Variants in DLGAP1 observed in about 807,000 individuals in gnomAD.
The protein encoded by DLGAP1 is disks large-associated protein 1.
Under a neutral mutation model 90.8 loss-of-function variants are expected in DLGAP1, and 11 were observed. That is an observed-to-expected ratio of 0.12 (90% CI 0.08 to 0.20). The LOEUF (loss-of-function observed/expected upper bound fraction) is 0.20, where lower values mean the gene tolerates loss of function less well. Ranked by LOEUF, DLGAP1 falls within the 10% of genes least tolerant of loss-of-function variation. The pLI, the probability that DLGAP1 is intolerant of heterozygous loss-of-function variation, is 1.00. For synonymous variants in DLGAP1, 558 were observed against 540.7 expected (o/e 1.03, Z -0.44); for missense variants, 1,050 against 1,333.8 (o/e 0.79, Z 3.31).
intron 8 of DLGAP1, among the ~76,000 whole-genome samples, 194 bp from the exon 9 acceptor site, chr18:3,567,775 T>G (rs554447871): frequency 9.2e-5 from 14 of 152,190 alleles, no homozygotes; most frequent in Non-Finnish European, 1.9e-4. Flanking sequence ...AAATGCAATT[T>G]TATCCACTCT....
chr18:4,411,902 T>G (rs964373045), intron 1 of DLGAP1, among the ~76,000 whole-genome samples: 3 of 152,140 alleles, frequency 2.0e-5, no homozygotes, highest in Non-Finnish European at 2.9e-5. Flanking sequence ...CCATCACTTC[T>G]GCCACATTTG....
chr18:4,062,274 G>C (rs952722172), intron 2 of DLGAP1, among the ~76,000 whole-genome samples: 4 of 152,102 alleles, frequency 2.6e-5, no homozygotes, highest in African/African-American at 7.2e-5. Flanking sequence ...GGAGAAACTG[G>C]TTATTTTACC....
intron 7 of DLGAP1, among the ~76,000 whole-genome samples, chr18:3,728,299 GTTATATATATATATATA>G: frequency 9.9e-6 from 1 of 101,008 alleles, no homozygotes; most frequent in Non-Finnish European, 1.8e-5. Flanking sequence ...GAACGCAAAT[GTTATATATATATATATA>G]TATATATATA....
chr18:3,854,941 G>A (rs1263649485), intron 4 of DLGAP1, among the ~76,000 whole-genome samples: 2 of 152,134 alleles, frequency 1.3e-5, no homozygotes, highest in Non-Finnish European at 2.9e-5. Flanking sequence ...TGCTTTTCTT[G>A]GGATGAGATA....
At chr18:3,895,536 C>A (rs893453034) in intron 3 of DLGAP1, among the ~76,000 whole-genome samples, 1 of 152,236 alleles carries the variant, frequency 6.6e-6, no homozygotes, top group African/African-American at 2.4e-5. Context: ...CGCATAGATG[C>A]ATTCGATAAA....
At chr18:4,341,198 A>AT (rs1314906345) in intron 1 of DLGAP1, among the ~76,000 whole-genome samples, 3 of 151,894 alleles carry the variant, frequency 2.0e-5, no homozygotes, top group Admixed American at 1.3e-4. Context: ...ATATATATAT[A>AT]AAAAGAAAAA....
chr18:4,032,624 G>T (rs2074814381), intron 2 of DLGAP1, among the ~76,000 whole-genome samples: 1 of 152,114 alleles, frequency 6.6e-6, no homozygotes, highest in Non-Finnish European at 1.5e-5. Flanking sequence ...CTACAGCAGG[G>T]CCGGCTAAAA....
At chr18:3,809,099 C>A (rs184201459) in intron 5 of DLGAP1, among the ~76,000 whole-genome samples, 2 of 152,222 alleles carry the variant, frequency 1.3e-5, no homozygotes, top group Admixed American at 1.3e-4. Flanking sequence ...GTGGGCATCT[C>A]GGATCGATGA....
chr18:3,673,797 C>T (rs560811233), intron 7 of DLGAP1, among the ~76,000 whole-genome samples: 3 of 150,182 alleles, frequency 2.0e-5, no homozygotes, highest in East Asian at 2.0e-4. Context: ...CAGCCTGCCT[C>T]GGCCTCCCAA....
At position 3,498,555 on chromosome 18, in the gene DLGAP1, G is replaced by T. The variant is rs1240410057; in HGVS notation, c.*630C>A. On this transcript the variant is annotated 3_prime_UTR_variant, in exon 13 of 13. Transcript: ENST00000315677. Reference sequence around the variant, plus strand: ...TGTGCAGGTGCCCCCAGCACCTGCAGATTTCGCTTCTCCCATCCTTGCTAC... The same window carrying T: ...TGTGCAGGTGCCCCCAGCACCTGCATATTTCGCTTCTCCCATCCTTGCTAC... The T allele has an allele frequency of 6.6e-6, 1 of 152,218 alleles. No individual in the cohort carries two copies. Among genetic ancestry groups the T allele is most frequent in the Non-Finnish European group, 1.5e-5 (1 of 68,052 alleles). The allele number at this position is 152,218 out of a possible 1,614,324, so 9.4% of individuals were successfully genotyped here. A position where few individuals can be genotyped will look rare whatever the true frequency, so the allele number is the denominator to read the frequency against.
intron 3 of DLGAP1, among the ~76,000 whole-genome samples, chr18:3,904,531 G>A (rs897136554): frequency 6.6e-6 from 1 of 152,232 alleles, no homozygotes; most frequent in African/African-American, 2.4e-5. Flanking sequence ...AGTCTATGGA[G>A]TTGAACTGTA....
In DLGAP1 at chr18:3,980,614, G is replaced by A. The variant is rs370101026; in HGVS notation, c.-73+24502C>T. On this transcript the variant is annotated intron_variant, in intron 3 of 12. Transcript: ENST00000315677. ...CCACATAGCTTTCCTACTCCTTTCC[G>A]GAAAGGAAAAAAACCAAAACGCTCA... Among the ~76,000 whole-genome samples, 212 of 152,150 alleles carry A rather than the reference G, an allele frequency of 1.4e-3. 3 individuals carry two copies. The South Asian group carries it at 0.022, about 16-fold the overall frequency.
At position 3,729,200 on chromosome 18, in the gene DLGAP1, A is replaced by T. The variant is rs2062316543; in HGVS notation, c.1526T>A (p.Val509Glu). 6.2e-7 allele frequency: 1 copy of T among 1,613,730 alleles called. No individual in the cohort carries two copies. The highest frequency in any genetic ancestry group is 1.3e-5 in the African/African-American group (1 of 74,938). Residue 509 changes from valine (V) to glutamate (E), a missense_variant, in exon 7 of 13, where the codon GTG becomes GAG. By Grantham distance (121) the Val-to-Glu change is moderately radical (BLOSUM62 -2). Transcript: ENST00000315677. This position sits in a 1 kb window ranked among gnomAD's most constrained non-coding sequence, Gnocchi z 6.2. ...EKGCSQDDEC[V>E]SLRSSSPPRT... Reference sequence around the variant, plus strand: ...CGGCGGCGAGGACGACCTCAGGGACACGCACTCGTCGTCCTGGGAGCAGCC... The same window carrying T: ...CGGCGGCGAGGACGACCTCAGGGACTCGCACTCGTCGTCCTGGGAGCAGCC...
intron 7 of DLGAP1, among the ~76,000 whole-genome samples, chr18:3,611,010 G>A (rs1234368715): frequency 6.6e-6 from 1 of 151,344 alleles, no homozygotes; most frequent in Non-Finnish European, 1.5e-5. Flanking sequence ...GCATAAGCCT[G>A]TAGTCTCAGT....
chr18:3,812,960 T>C (rs944337405), intron 5 of DLGAP1, among the ~76,000 whole-genome samples: 2 of 152,240 alleles, frequency 1.3e-5, no homozygotes, highest in Admixed American at 6.5e-5. Flanking sequence ...ATACGAATTA[T>C]CCGTAATATA....
At chr18:4,238,607 T>G (rs1321348574) in intron 1 of DLGAP1, among the ~76,000 whole-genome samples, 8 of 152,206 alleles carry the variant, frequency 5.3e-5, no homozygotes, top group Admixed American at 5.2e-4. Context: ...ACTCAGTAAC[T>G]ACTTGCTGAG....
intron 1 of DLGAP1, among the ~76,000 whole-genome samples, chr18:4,332,970 C>T (rs186034563): frequency 6.6e-6 from 1 of 152,044 alleles, no homozygotes; most frequent in East Asian, 1.9e-4. Flanking sequence ...TCTCTGTCAG[C>T]AAGTTCTGGT....
intron 7 of DLGAP1, among the ~76,000 whole-genome samples, chr18:3,726,859 G>A (rs769787775): frequency 1.1e-4 from 17 of 152,256 alleles, no homozygotes; most frequent in Non-Finnish European, 1.8e-4. Context: ...GAGGTGGCTC[G>A]TACTTAGGAT....
chr18:4,010,634 T>C (rs1453960417), intron 2 of DLGAP1, among the ~76,000 whole-genome samples: 2 of 152,178 alleles, frequency 1.3e-5, no homozygotes, highest in Admixed American at 6.5e-5. Context: ...TACAACTGTG[T>C]GGAATGTATA....
Sources: gnomAD v4.1 joint callset for allele counts (sites outside exome capture counted in the v4.1 genomes callset) on GRCh38, gnomAD v4.1.1 for gene constraint, Gnocchi (gnomAD v3.1) non-coding constraint, MANE v1.5 for transcripts, NCBI Gene and HGNC (gene_info 2026-07-23, HGNC 2026-07-21) for gene names.